Variants in FAM83C observed in about 807,000 individuals in gnomAD.
FAM83C encodes the protein scaffolding CK1 anchoring protein C.
A neutral mutation model predicts 27.1 loss-of-function variants in FAM83C; 23 were observed. The ratio of observed to expected loss-of-function variants is 0.85; its 90% CI spans 0.61 to 1.20. The LOEUF (loss-of-function observed/expected upper bound fraction) is 1.20. FAM83C is among the 50% of genes most tolerant of loss of function. The probability of loss-of-function intolerance (pLI) is 0.00; values close to 1 mark genes in which losing one functional copy is unlikely to be tolerated. For synonymous variants in FAM83C, 426 were observed against 423.1 expected (o/e 1.01, Z -0.09); for missense variants, 984 against 1,001.3 (o/e 0.98, Z 0.23).
intron 1 of FAM83C, among the ~76,000 whole-genome samples, chr20:35,290,155 C>T (rs1437311974): frequency 6.6e-6 from 1 of 152,208 alleles, no homozygotes. Context: ...CTTACTTGCA[C>T]CCATGCCAAA....
intron 1 of FAM83C, 129 bp downstream of exon 1, chr20:35,291,663 T>C: frequency 8.0e-7 from 1 of 1,251,174 alleles, no homozygotes; most frequent in Non-Finnish European, 1.1e-6. Context: ...GTTTGCAATC[T>C]AATAGTGCCA....
Position 35,286,617 on chromosome 20 carries a change from G to C in FAM83C, c.2162C>G (p.Thr721Ser). Residue 721 changes from threonine (T) to serine (S), a missense_variant, in exon 4 of 4, where the codon ACC (threonine) becomes AGC (serine). Thr to Ser is a moderately conservative substitution (Grantham distance 58). Transcript: ENST00000374408. Reference sequence around the variant, plus strand: ...GAGGTCCAGTTTGCTGTGACCCAGGGTCAGCCGTTTCTCATCCCTGACCAG... The same window carrying C: ...GAGGTCCAGTTTGCTGTGACCCAGGCTCAGCCGTTTCTCATCCCTGACCAG... ...SDLVRDEKRL[T>S]LGHSKLDLIT... 6.2e-7 allele frequency: 1 copy of C among 1,614,170 alleles called. No individual in the cohort carries two copies. The highest frequency in any genetic ancestry group is 8.5e-7 in the Non-Finnish European group (1 of 1,180,022).
chr20:35,287,227 G>C lies in FAM83C; in HGVS notation c.1552C>G (p.Arg518Gly), dbSNP rs752621565. The change falls in exon 4 of 4, where the codon CGA becomes GGA. Residue 518 changes from arginine to glycine, a missense_variant. By Grantham distance (125) the Arg-to-Gly change is moderately radical (BLOSUM62 -2). Coordinates refer to ENST00000374408, the MANE Select transcript of FAM83C (RefSeq NM_178468.6). ...LDLLVPFPRA[R>G]EVGDPDSGVT... The stretch of plus-strand genomic sequence containing the variant: ...CCAGAGTCAGGGTCTCCCACTTCTC[G>C]GGCTCTGGGGAAGGGGACAAGGAGA... The C allele has an allele frequency of 6.2e-7, 1 of 1,612,716 alleles. No individual in the cohort carries two copies. Among genetic ancestry groups the C allele is most frequent in the East Asian group, 2.2e-5 (1 of 44,880 alleles).
chr20:35,286,235 T>C lies in FAM83C; in HGVS notation c.*300A>G. 1 of 367,746 alleles carries C rather than the reference T, an allele frequency of 2.7e-6. No individual in the cohort carries two copies. The highest frequency in any genetic ancestry group is 3.7e-5 in the South Asian group (1 of 26,764). The allele number at this position is 367,746 out of a possible 1,614,324, so 22.8% of individuals were successfully genotyped here. On this transcript the variant is annotated 3_prime_UTR_variant, in exon 4 of 4. Transcript: ENST00000374408. ...TTAACTTGATATGGCTCTGACCCCT[T>C]CTCCAGCAGCTTGTGCATTTCACCT...
chr20:35,286,780 A>T lies in FAM83C; in HGVS notation c.1999T>A (p.Ser667Thr). ...AGGGTTAGCCGTTTCTCATCCCCAG[A>T]CCCAGCTCCAGCCGTGCGAGCAGGG... ...SSPARTAGAGSGDEKRLTLGH... is the reference protein window; with the variant it reads ...SSPARTAGAGTGDEKRLTLGH... Residue 667 changes from serine to threonine, a missense_variant, in exon 4 of 4, where the codon TCT becomes ACT. Physicochemically the swap from Ser to Thr is moderately conservative, Grantham distance 58. Transcript: ENST00000374408. 2 of 1,612,908 alleles carry T rather than the reference A, an allele frequency of 1.2e-6. No homozygotes were observed. Among genetic ancestry groups the T allele is most frequent in the Non-Finnish European group, 1.7e-6 (2 of 1,179,772 alleles).
intron 1 of FAM83C, among the ~76,000 whole-genome samples, chr20:35,291,403 C>T (rs6579227): frequency 0.13 from 19,373 of 152,230 alleles, 1,309 homozygotes; most frequent in South Asian, 0.15. Context: ...GGAGGTGACT[C>T]AGATGTTCCC....
rs147694351 is a variant in FAM83C at position 35,287,044 on chromosome 20, C to T, written c.1735G>A (p.Ala579Thr). The change falls in exon 4 of 4, where the codon GCC becomes ACC. Residue 579 changes from alanine to threonine, a missense_variant. Transcript: ENST00000374408. ...AGGGACAGCCTCCTGTCCTCCAGGG[C>T]CCGATCACCAGGTCTGAGGGAACCC... ...ELGSLRPGDR[A>T]LEDRRLSLNQ... 31 of 1,605,346 alleles carry T rather than the reference C, an allele frequency of 1.9e-5. No individual in the cohort carries two copies. In the Admixed American group the frequency reaches 5.0e-4, roughly 26 times the overall value.
chr20:35,287,160 GCCTGCTCGC>G lies in FAM83C; in HGVS notation c.1610_1618del (p.Gly537_Gln539del), dbSNP rs2060830113. ...TGGGGACAACCTCCTGTCCTCTGGGGCCTGCTCGCCAGGCCGAAGGGGGCCTGAGTTGGG... is the reference window on the plus strand; with the variant it reads ...TGGGGACAACCTCCTGTCCTCTGGGGCAGGCCGAAGGGGGCCTGAGTTGGG... On this transcript the variant is annotated inframe_deletion, in exon 4 of 4. Coordinates refer to ENST00000374408, the MANE Select transcript of FAM83C (RefSeq NM_178468.6). The G allele has an allele frequency of 1.1e-5, 17 of 1,606,142 alleles. No individual in the cohort carries two copies. Among genetic ancestry groups the G allele is most frequent in the Non-Finnish European group, 1.4e-5 (16 of 1,179,298 alleles).
At position 35,287,812 on chromosome 20, in the gene FAM83C, G is replaced by A. The variant is rs374408772; in HGVS notation, c.967C>T (p.Arg323Cys). Residue 323 changes from arginine to cysteine, a missense_variant, in exon 4 of 4, where the codon CGT (arginine) becomes TGT (cysteine). Physicochemically the swap from Arg to Cys is radical, Grantham distance 180. Coordinates refer to ENST00000374408, the MANE Select transcript of FAM83C (RefSeq NM_178468.6). ...AAGGCTAGGGCCACAGGGGGAGGAC[G>A]CAGTGCCCGGGGAGACAGCGGGTCC... The part of the protein sequence containing the change: ...GEDPLSPRAL[R>C]PPPVALAFRP... 2.1e-5 allele frequency: 34 copies of A among 1,588,686 alleles called. No homozygotes were observed. The African/African-American group carries it at 2.4e-4, about 11-fold the overall frequency.
chr20:35,287,835 T>C lies in FAM83C; in HGVS notation c.944A>G (p.Asp315Gly). 1 of 1,570,142 alleles carries C rather than the reference T, an allele frequency of 6.4e-7. No individual in the cohort carries two copies. Residue 315 changes from aspartate to glycine, a missense_variant, in exon 4 of 4, where the codon GAC becomes GGC. Physicochemically the swap from Asp to Gly is moderately conservative, Grantham distance 94 (BLOSUM62 -1). Transcript: ENST00000374408. ...ACGCAGTGCCCGGGGAGACAGCGGG[T>C]CCTCACCGCCACAGAAGCCCTCCAC... ...QPVEGFCGGE[D>G]PLSPRALRPP... is the part of the protein sequence containing the mutation.
intron 3 of FAM83C, 98 bp downstream of exon 3, chr20:35,288,363 C>T (rs2060836400): frequency 2.6e-6 from 4 of 1,560,952 alleles, no homozygotes; most frequent in Non-Finnish European, 3.5e-6. Flanking sequence ...GGCAGGTACT[C>T]AGCCCGTGTC....
chr20:35,288,773 C>A lies in FAM83C; in HGVS notation c.681+18G>T. On this transcript the variant is annotated intron_variant, in intron 2 of 3. Transcript: ENST00000374408. Reference sequence around the variant, plus strand: ...TCCCCGCCCACACCCCTGGTTACTGCCCCTGGTCCTCACTGACCGGCAGGT... The same window carrying A: ...TCCCCGCCCACACCCCTGGTTACTGACCCTGGTCCTCACTGACCGGCAGGT... 1 of 1,593,002 alleles carries A rather than the reference C, an allele frequency of 6.3e-7. No homozygotes were observed.
chr20:35,287,831 C>A lies in FAM83C; in HGVS notation c.948G>T (p.Pro316=), dbSNP rs757676100. 1.3e-6 allele frequency: 2 copies of A among 1,571,368 alleles called. No homozygotes were observed. Among genetic ancestry groups the A allele is most frequent in the East Asian group, 2.4e-5 (1 of 42,500 alleles). The part of the protein sequence containing the change: ...PVEGFCGGED[P]LSPRALRPPP... The stretch of plus-strand genomic sequence containing the variant: ...GAGGACGCAGTGCCCGGGGAGACAG[C>A]GGGTCCTCACCGCCACAGAAGCCCT... The change falls in exon 4 of 4, where the codon CCG becomes CCT. Residue 316 remains proline, a synonymous_variant. Coordinates refer to ENST00000374408, the MANE Select transcript of FAM83C (RefSeq NM_178468.6).
At chr20:35,289,626 C>T (rs1432137149) in intron 1 of FAM83C, among the ~76,000 whole-genome samples, 2 of 151,968 alleles carry the variant, frequency 1.3e-5, no homozygotes, top group African/African-American at 4.8e-5. Context: ...CGTGAGCCAC[C>T]ACGCCCAGTC....
In FAM83C at chr20:35,287,567, GC is replaced by G; in HGVS notation, c.1211del (p.Gly404AlafsTer14). On this transcript the variant is annotated frameshift_variant, in exon 4 of 4. Transcript: ENST00000374408. LOFTEE classifies it low-confidence loss of function (END_TRUNC). ...TGGCCCTATAGAGCCCAGGAGGGGA[GC>G]CGTGGTTAGGGTCTGACAGTTGGCG... ...LHRQLSDPNH[G>X]SPPGLYRANL... 1 of 1,614,158 alleles carries G rather than the reference GC, an allele frequency of 6.2e-7. No individual in the cohort carries two copies. The highest frequency in any genetic ancestry group is 8.5e-7 in the Non-Finnish European group (1 of 1,180,008).
At position 35,292,348 on chromosome 20, in the gene FAM83C, C is replaced by G; in HGVS notation, c.-44G>C. On this transcript the variant is annotated 5_prime_UTR_variant, in exon 1 of 4. Transcript: ENST00000374408. The stretch of plus-strand genomic sequence containing the variant: ...TCACCCGCCGGCAGGGCCCATGGCC[C>G]GCACGCTGGGCTGGCTGCAGCAGGA... 1.4e-6 allele frequency: 2 copies of G among 1,442,994 alleles called. No individual in the cohort carries two copies. Among genetic ancestry groups the G allele is most frequent in the Non-Finnish European group, 1.8e-6 (2 of 1,105,432 alleles). The allele number at this position is 1,442,994 out of a possible 1,614,324, so 89.4% of individuals were successfully genotyped here.
Position 35,287,633 on chromosome 20 carries a change from A to T in FAM83C, c.1146T>A (p.Gly382=). ...GGCCACTGGCCTCACGGCGGGCAGG[A>T]CCCAGGGACGAGGACACCACACCCG... ...SDTGVVSSSL[G]PARREASGQP... The change falls in exon 4 of 4, where the codon GGT becomes GGA. Residue 382 remains glycine, a synonymous_variant. Coordinates refer to ENST00000374408, the MANE Select transcript of FAM83C (RefSeq NM_178468.6). The T allele has an allele frequency of 6.2e-7, 1 of 1,613,924 alleles. No homozygotes were observed. The highest frequency in any genetic ancestry group is 8.5e-7 in the Non-Finnish European group (1 of 1,179,908).
rs2060847451 is a variant in FAM83C at position 35,291,785 on chromosome 20, C to T, written c.513+7G>A. ...TGAGATGAGTGATGGAGAGATGAGG[C>T]CCTTACCGTGTGGGCCTGGCTGAAA... On this transcript the variant is annotated splice_region_variant and intron_variant, in intron 1 of 3. Transcript: ENST00000374408. The T allele has an allele frequency of 6.2e-7, 1 of 1,613,850 alleles. No individual in the cohort carries two copies.
chr20:35,292,162 G>A lies in FAM83C; in HGVS notation c.143C>T (p.Ala48Val), dbSNP rs199669911. ...ACCCCGCTCCAGGAGGGCGTCGGCCGCCAGCCGAGCCGCCTCGCTGTGCCG... is the reference window on the plus strand; with the variant it reads ...ACCCCGCTCCAGGAGGGCGTCGGCCACCAGCCGAGCCGCCTCGCTGTGCCG... Reference protein sequence around the residue: ...VLRHSEAARLAADALLERGEA... With the variant: ...VLRHSEAARLVADALLERGEA... The change falls in exon 1 of 4, where the codon GCG (alanine) becomes GTG (valine). Residue 48 changes from alanine to valine, a missense_variant. By Grantham distance (64) the Ala-to-Val change is moderately conservative (BLOSUM62 0). Transcript: ENST00000374408. The A allele has an allele frequency of 9.2e-4, 1,465 of 1,596,900 alleles. 18 individuals are homozygous for A. The African/African-American group carries it at 0.018, about 20-fold the overall frequency.
Sources: allele counts gnomAD v4.1 joint callset (sites outside exome capture counted in the v4.1 genomes callset), GRCh38; gene constraint gnomAD v4.1.1; transcripts MANE v1.5; gene names NCBI Gene and HGNC (gene_info 2026-07-23, HGNC 2026-07-21).